DAB2: variants seen among roughly 807,000 people sequenced by gnomAD.
DAB2 encodes the protein DAB adaptor protein 2.
A neutral mutation model predicts 71.6 loss-of-function variants in DAB2; 28 were observed. The ratio of observed to expected loss-of-function variants is 0.39; its 90% CI spans 0.29 to 0.54. The LOEUF is 0.54. Among genes scored for constraint, DAB2 ranks in the 20% least tolerant of loss-of-function variants. The probability of loss-of-function intolerance (pLI) is 0.68; values close to 1 mark genes in which losing one functional copy is unlikely to be tolerated. For synonymous variants in DAB2, 345 were observed against 339.7 expected (o/e 1.02, Z -0.17); for missense variants, 867 against 928.8 (o/e 0.93, Z 0.86).
intron 4 of DAB2, chr5:39,392,076 A>G (rs1755243826): frequency 1.3e-5 from 2 of 149,094 alleles, no homozygotes; most frequent in African/African-American, 4.9e-5. Flanking sequence ...TATTTATTTA[A>G]TTTCAAAAAT....
At chr5:39,414,456 T>C (rs889915566) in intron 1 of DAB2, among the ~76,000 whole-genome samples, 1 of 152,094 alleles carries the variant, frequency 6.6e-6, no homozygotes, top group African/African-American at 2.4e-5. Flanking sequence ...GAATAAGAAG[T>C]TGTTTGTGGA....
chr5:39,413,280 C>G (rs1049113479), intron 1 of DAB2, among the ~76,000 whole-genome samples: 14 of 152,168 alleles, frequency 9.2e-5, no homozygotes, highest in Admixed American at 2.6e-4. Flanking sequence ...GACTAACAAT[C>G]TCAAACATTA....
intron 7 of DAB2, 79 bp downstream of exon 7, chr5:39,389,018 A>G (rs1755162437): frequency 2.1e-6 from 3 of 1,413,876 alleles, no homozygotes; most frequent in Admixed American, 1.7e-5. Flanking sequence ...CGAGGTGGCG[A>G]GAGTGGTTGG....
intron 1 of DAB2, chr5:39,417,925 C>T (rs1755886442): frequency 6.6e-6 from 1 of 152,192 alleles, no homozygotes; most frequent in Admixed American, 6.5e-5. Flanking sequence ...ATAGTTGAAC[C>T]TTAGCCCAGG....
chr5:39,418,462 A>C (rs1337607894), intron 1 of DAB2: 1 of 152,210 alleles, frequency 6.6e-6, no homozygotes, highest in Non-Finnish European at 1.5e-5. Flanking sequence ...GATCATTTGG[A>C]TGCAATATTT....
At chr5:39,389,471 C>A (rs544971094) in intron 6 of DAB2, among the ~76,000 whole-genome samples, 67 of 152,196 alleles carry the variant, frequency 4.4e-4, no homozygotes, top group African/African-American at 1.6e-3. Flanking sequence ...TTCAGATAGA[C>A]CATATTTATA....
At chr5:39,401,762 T>TTAC (rs1755504364) in intron 1 of DAB2, among the ~76,000 whole-genome samples, 1 of 151,262 alleles carries the variant, frequency 6.6e-6, no homozygotes, top group South Asian at 2.1e-4. Flanking sequence ...TATTTATTTA[T>TTAC]TTATTTTTGA....
intron 1 of DAB2, among the ~76,000 whole-genome samples, chr5:39,415,055 G>A (rs1755816673): frequency 6.6e-6 from 1 of 152,026 alleles, no homozygotes; most frequent in African/African-American, 2.4e-5. Flanking sequence ...CTTCATTGCT[G>A]TTAATAATAC....
chr5:39,392,998 T>A (rs867827055), intron 3 of DAB2, among the ~76,000 whole-genome samples: 9 of 152,156 alleles, frequency 5.9e-5, no homozygotes, highest in Admixed American at 1.3e-4. Flanking sequence ...ATACGCTTGG[T>A]TCGTCCTAAT....
chr5:39,383,219 T>C lies in DAB2; in HGVS notation c.740A>G (p.Gln247Arg). ...VDLNSEIDTN[Q>R]NSLRENPFLT... ...GAATGGATTTTCTCTTAAAGAATTC[T>C]GATTGGTGTCGATTTCAGAGTTTAG... Residue 247 changes from glutamine (Q) to arginine (R), a missense_variant, in exon 10 of 15, where the codon CAG (glutamine) becomes CGG (arginine). Physicochemically the swap from Gln to Arg is conservative, Grantham distance 43 (BLOSUM62 1). Around this residue, in one of 2 missense-constraint regions of DAB2, gnomAD observed 740 missense variants for 734.3 expected, o/e 1.01. Transcript: ENST00000320816. 1 of 1,614,002 alleles carries C rather than the reference T, an allele frequency of 6.2e-7. No individual in the cohort carries two copies. The highest frequency in any genetic ancestry group is 8.5e-7 in the Non-Finnish European group (1 of 1,179,900).
chr5:39,403,685 T>C (rs1439260244), intron 1 of DAB2, among the ~76,000 whole-genome samples: 2 of 151,614 alleles, frequency 1.3e-5, no homozygotes, highest in Non-Finnish European at 2.9e-5. Context: ...TACTATTCAG[T>C]GTTTGGCCTT....
chr5:39,388,387 T>C lies in DAB2; in HGVS notation c.625-20A>G. On this transcript the variant is annotated intron_variant, in intron 8 of 14. Transcript: ENST00000320816. ...AACACCCTTAAAAAAGTATTTGGATTAGATTCAGATGTGTCTACTAAAAAA... is the reference window on the plus strand; with the variant it reads ...AACACCCTTAAAAAAGTATTTGGATCAGATTCAGATGTGTCTACTAAAAAA... The C allele has an allele frequency of 6.5e-7, 1 of 1,548,908 alleles. No homozygotes were observed. Among genetic ancestry groups the C allele is most frequent in the Non-Finnish European group, 8.9e-7 (1 of 1,121,948 alleles).
chr5:39,410,182 A>C (rs536974630), intron 1 of DAB2, among the ~76,000 whole-genome samples: 2 of 152,252 alleles, frequency 1.3e-5, no homozygotes, highest in East Asian at 3.9e-4. Context: ...TAGAAAAGCT[A>C]CCTGGTTATG....
chr5:39,394,552 T>C (rs1755311648), intron 1 of DAB2, 131 bp from the exon 2 acceptor site: 3 of 517,418 alleles, frequency 5.8e-6, no homozygotes, highest in Non-Finnish European at 1.0e-5. Flanking sequence ...TCCTGCTGTA[T>C]TAGACTGAAG....
intron 9 of DAB2, 148 bp from the exon 10 acceptor site, chr5:39,383,419 C>T (rs6884342): frequency 3.1e-6 from 2 of 646,792 alleles, no homozygotes; most frequent in East Asian, 2.7e-5. Context: ...CTTCCATCAA[C>T]CCCCGTAGTC....
At chr5:39,388,569 A>G (rs1433589371) in intron 8 of DAB2, among the ~76,000 whole-genome samples, 2 of 152,214 alleles carry the variant, frequency 1.3e-5, no homozygotes, top group African/African-American at 4.8e-5. Context: ...ACATCCTTAA[A>G]AAGTATTAGA....
Position 39,424,877 on chromosome 5 carries a change from T to A in DAB2, c.-175A>T, listed in dbSNP as rs1269331757. 6.6e-6 allele frequency: 1 copy of A among 152,532 alleles called. No individual in the cohort carries two copies. Among genetic ancestry groups the A allele is most frequent in the Non-Finnish European group, 1.5e-5 (1 of 68,092 alleles). 9.4% of individuals were successfully genotyped at this position (152,532 alleles called of 1,614,324 possible). ...AGCCTCCAGGCTACAGCGCAGCGGA[T>A]GCGGCGGGCCTCGCTTAAATAGCCG... On this transcript the variant is annotated 5_prime_UTR_variant, in exon 1 of 15. Transcript: ENST00000320816.
intron 7 of DAB2, 89 bp downstream of exon 7, chr5:39,389,008 C>A: frequency 7.4e-7 from 1 of 1,347,924 alleles, no homozygotes; most frequent in Non-Finnish European, 1.1e-6. Flanking sequence ...TAGTAATAAG[C>A]GAGGTGGCGA....
chr5:39,418,870 G>A (rs147400919), intron 1 of DAB2, among the ~76,000 whole-genome samples: 1,629 of 152,278 alleles, frequency 0.011, 28 homozygotes, highest in African/African-American at 0.037. Context: ...AGCCGCAGGA[G>A]TTCTGAAGAG....
Sources: allele counts gnomAD v4.1 joint callset (sites outside exome capture counted in the v4.1 genomes callset), GRCh38; gene constraint gnomAD v4.1.1; regional missense constraint gnomAD v4.1.1; transcripts MANE v1.5; gene names NCBI Gene and HGNC (gene_info 2026-07-23, HGNC 2026-07-21).